Variants in ITGAV observed in about 807,000 individuals in gnomAD.
The protein encoded by ITGAV is integrin subunit alpha V.
ITGAV carries 76 observed loss-of-function variants against 143.8 expected under a neutral mutation model. The observed-to-expected ratio is 0.53, with a 90% CI of 0.44 to 0.64. The LOEUF (loss-of-function observed/expected upper bound fraction) is 0.64. Ranked by LOEUF, ITGAV falls within the 30% of genes least tolerant of loss-of-function variation. The pLI is 0.00. For synonymous variants in ITGAV, 453 were observed against 446.7 expected, an observed-to-expected ratio of 1.01 and a Z score of -0.18; for missense variants, 1,193 against 1,274.7, an observed-to-expected ratio of 0.94 and a Z score of 0.98.
intron 21 of ITGAV, among the ~76,000 whole-genome samples, chr2:186,665,709 C>T (rs1688878589): frequency 6.6e-6 from 1 of 152,152 alleles, no homozygotes; most frequent in African/African-American, 2.4e-5. Context: ...CTTTCCGAAT[C>T]CTCTAAAAAG....
rs1215652146 is a variant in ITGAV at position 186,679,748 on chromosome 2, T to A, written c.*2456T>A. 1 of 152,056 alleles carries A rather than the reference T, an allele frequency of 6.6e-6. No individual in the cohort carries two copies. Among genetic ancestry groups the A allele is most frequent in the African/African-American group, 2.4e-5 (1 of 41,454 alleles). The allele number at this position is 152,056 out of a possible 1,614,324, so 9.4% of individuals were successfully genotyped here. ...AGGTATTTATTTCAGAATTGATATT[T>A]TGAGAAAAATACATGTGAGTCATTT... On this transcript the variant is annotated 3_prime_UTR_variant, in exon 30 of 30. Coordinates refer to ENST00000261023, the MANE Select transcript of ITGAV (RefSeq NM_002210.5).
chr2:186,599,650 G>A (rs998022724), intron 1 of ITGAV, among the ~76,000 whole-genome samples: 1 of 152,090 alleles, frequency 6.6e-6, no homozygotes, highest in Non-Finnish European at 1.5e-5. Context: ...GACCACAGGC[G>A]CATGCCACCA....
At chr2:186,601,916 AAT>A in intron 1 of ITGAV, 103 bp from the exon 2 acceptor site, 1 of 1,215,242 alleles carries the variant, frequency 8.2e-7, no homozygotes, top group Non-Finnish European at 1.1e-6. Context: ...GGTTTTAAAA[AAT>A]ATTTATAGAT....
intron 6 of ITGAV, among the ~76,000 whole-genome samples, 196 bp from the exon 7 acceptor site, chr2:186,635,886 C>T (rs1246540241): frequency 1.3e-5 from 2 of 152,126 alleles, no homozygotes; most frequent in Non-Finnish European, 2.9e-5. Flanking sequence ...CTTTTAAGTA[C>T]TGGCTTAAAC....
intron 1 of ITGAV, among the ~76,000 whole-genome samples, chr2:186,590,860 G>T (rs1046531418): frequency 6.6e-6 from 1 of 152,108 alleles, no homozygotes; most frequent in Non-Finnish European, 1.5e-5. Flanking sequence ...TGCCAGTGTC[G>T]AGGATTTGGT....
At chr2:186,646,310 C>T (rs945827420) in intron 12 of ITGAV, among the ~76,000 whole-genome samples, 1 of 151,986 alleles carries the variant, frequency 6.6e-6, no homozygotes, top group African/African-American at 2.4e-5. Context: ...TTGATGTGTC[C>T]TCCTCCATCC....
chr2:186,624,596 A>G (rs1687621604), intron 3 of ITGAV, among the ~76,000 whole-genome samples: 1 of 152,206 alleles, frequency 6.6e-6, no homozygotes, highest in Non-Finnish European at 1.5e-5. Flanking sequence ...TGCTTATGTT[A>G]GCACTTTGCT....
chr2:186,602,954 C>T (rs1280877205), intron 2 of ITGAV, among the ~76,000 whole-genome samples: 6 of 150,086 alleles, frequency 4.0e-5, no homozygotes, highest in Non-Finnish European at 8.9e-5. Flanking sequence ...TTTATCAAGA[C>T]TTTGTTGGGA....
chr2:186,669,692 T>G lies in ITGAV; in HGVS notation c.2593-9T>G, dbSNP rs1689010346. ...ATTTACCACCATTTTATTAATGTGA[T>G]TGCATTAGATCTCATCTTTGCAAAC... is the stretch of plus-strand genomic sequence containing the variant. On this transcript the variant is annotated splice_polypyrimidine_tract_variant and intron_variant, in intron 25 of 29. Coordinates refer to ENST00000261023, the MANE Select transcript of ITGAV (RefSeq NM_002210.5). 6.3e-7 allele frequency: 1 copy of G among 1,586,048 alleles called. No individual in the cohort carries two copies. The highest frequency in any genetic ancestry group is 8.6e-7 in the Non-Finnish European group (1 of 1,159,274).
At chr2:186,633,147 A>T (rs555838465) in intron 5 of ITGAV, among the ~76,000 whole-genome samples, 182 bp from the exon 6 acceptor site, 1 of 151,912 alleles carries the variant, frequency 6.6e-6, no homozygotes, top group East Asian at 1.9e-4. Context: ...TCTACAAAAA[A>T]AAAAAAAAGT....
intron 2 of ITGAV, among the ~76,000 whole-genome samples, chr2:186,619,095 TTATA>T (rs1412196854): frequency 1.4e-5 from 2 of 143,658 alleles, no homozygotes; most frequent in East Asian, 4.6e-4. Context: ...ATTATATACA[TTATA>T]TATAGTATAT....
In ITGAV at chr2:186,590,375, C is replaced by T; in HGVS notation, c.37C>T (p.Pro13Ser). ...GCCGCGGCGACGGCTGCGCCTCGGT[C>T]CCCGCGGCCTCCCGCTTCTTCTCTC... Reference protein sequence around the residue: ...FPPRRRLRLGPRGLPLLLSGL... With the variant: ...FPPRRRLRLGSRGLPLLLSGL... The change falls in exon 1 of 30, where the codon CCC (proline) becomes TCC (serine). Residue 13 changes from proline to serine, a missense_variant. Coordinates refer to ENST00000261023, the MANE Select transcript of ITGAV (RefSeq NM_002210.5). The T allele has an allele frequency of 1.3e-6, 2 of 1,597,118 alleles. No homozygotes were observed. Among genetic ancestry groups the T allele is most frequent in the Admixed American group, 3.4e-5 (2 of 58,542 alleles).
At position 186,590,329 on chromosome 2, in the gene ITGAV, C is replaced by A. The variant is rs767282075; in HGVS notation, c.-10C>A. 5 of 1,569,166 alleles carry A rather than the reference C, an allele frequency of 3.2e-6. No individual in the cohort carries two copies. Among genetic ancestry groups the A allele is most frequent in the Non-Finnish European group, 4.3e-6 (5 of 1,161,134 alleles). On this transcript the variant is annotated 5_prime_UTR_variant, in exon 1 of 30. Coordinates refer to ENST00000261023, the MANE Select transcript of ITGAV (RefSeq NM_002210.5). ...CGCTCCCGGCTTGGCGTCCCGCGCG[C>A]ACTTCGGCGATGGCTTTTCCGCCGC...
chr2:186,663,756 G>GT lies in ITGAV; in HGVS notation c.1858-5dup, dbSNP rs1559065903. 1.9e-6 allele frequency: 3 copies of GT among 1,602,944 alleles called. No individual in the cohort carries two copies. The highest frequency in any genetic ancestry group is 1.7e-6 in the Non-Finnish European group (2 of 1,170,810). ...TATTTTTCATGTAGAAAAATAAAAT[G>GT]TTTTTTTCTAGGCTCACATTCTACT... On this transcript the variant is annotated splice_polypyrimidine_tract_variant and intron_variant, in intron 18 of 29. Coordinates refer to ENST00000261023, the MANE Select transcript of ITGAV (RefSeq NM_002210.5).
intron 1 of ITGAV, among the ~76,000 whole-genome samples, chr2:186,598,744 A>G (rs894536361): frequency 6.6e-6 from 1 of 152,012 alleles, no homozygotes; most frequent in Non-Finnish European, 1.5e-5. Flanking sequence ...TTTTCTTATG[A>G]AAGACTTTTG....
intron 18 of ITGAV, among the ~76,000 whole-genome samples, chr2:186,661,857 A>C (rs1378963571): frequency 2.0e-5 from 3 of 152,140 alleles, no homozygotes; most frequent in Non-Finnish European, 4.4e-5. Context: ...GGCCTCCCAA[A>C]GTGCTGAGAT....
intron 4 of ITGAV, among the ~76,000 whole-genome samples, 174 bp downstream of exon 4, chr2:186,625,761 A>G (rs763446485): frequency 6.6e-6 from 1 of 152,098 alleles, no homozygotes; most frequent in Non-Finnish European, 1.5e-5. Flanking sequence ...AGATATTACA[A>G]ATGTGAAGTA....
chr2:186,623,046 G>A (rs1348839070), intron 3 of ITGAV, among the ~76,000 whole-genome samples: 2 of 151,960 alleles, frequency 1.3e-5, no homozygotes, highest in Admixed American at 6.6e-5. Context: ...AATACGACAC[G>A]ATGTTGAAGT....
chr2:186,621,490 A>G (rs548765353), intron 2 of ITGAV, among the ~76,000 whole-genome samples: 1 of 152,302 alleles, frequency 6.6e-6, no homozygotes, highest in Admixed American at 6.5e-5. Context: ...TCACAATTCA[A>G]ATTTCCACAT....
Sources: allele counts gnomAD v4.1 joint callset (sites outside exome capture counted in the v4.1 genomes callset), GRCh38; gene constraint gnomAD v4.1.1; transcripts MANE v1.5; gene names NCBI Gene and HGNC (gene_info 2026-07-23, HGNC 2026-07-21).